Variants in SPAG16 observed in about 807,000 individuals in gnomAD.
SPAG16 encodes the protein sperm-associated antigen 16 protein.
Under a neutral mutation model 80.4 loss-of-function variants are expected in SPAG16, and 86 were observed. The observed-to-expected ratio is 1.07, with a 90% confidence interval of 0.90 to 1.28. SPAG16 has a LOEUF of 1.28. Ranked by LOEUF, SPAG16 falls within the 50% of genes most tolerant of loss-of-function variation. The pLI is 0.00. For missense variants in SPAG16, 870 were observed against 765.3 expected (o/e 1.14, Z -1.61); for synonymous variants, 294 against 265.9 (o/e 1.11, Z -1.03).
At chr2:213,505,866 A>G (rs1221016637) in intron 10 of SPAG16, among the ~76,000 whole-genome samples, 1 of 152,044 alleles carries the variant, frequency 6.6e-6, no homozygotes, top group Non-Finnish European at 1.5e-5. Context: ...CCTTGTGACT[A>G]TCCTTCTGTG....
intron 15 of SPAG16, among the ~76,000 whole-genome samples, chr2:214,223,188 A>G (rs941546780): frequency 5.3e-5 from 8 of 152,112 alleles, no homozygotes; most frequent in Non-Finnish European, 1.2e-4. Flanking sequence ...GAGGTAATCT[A>G]TGTTAAGTCT....
At chr2:214,361,554 A>G (rs1004147803) in intron 15 of SPAG16, among the ~76,000 whole-genome samples, 2 of 151,850 alleles carry the variant, frequency 1.3e-5, no homozygotes, top group Non-Finnish European at 2.9e-5. Context: ...AAACTCAAAC[A>G]CTTCATCCAG....
At chr2:213,904,455 G>A (rs950060813) in intron 11 of SPAG16, among the ~76,000 whole-genome samples, 2 of 152,086 alleles carry the variant, frequency 1.3e-5, no homozygotes, top group Non-Finnish European at 2.9e-5. Flanking sequence ...CATTAGAATA[G>A]TATGGGGGAA....
intron 10 of SPAG16, among the ~76,000 whole-genome samples, chr2:213,685,226 A>G (rs1559374966): frequency 6.6e-6 from 1 of 152,242 alleles, no homozygotes; most frequent in Non-Finnish European, 1.5e-5. Context: ...TTTATTTGGA[A>G]ACAAGGACTT....
chr2:213,584,697 T>C (rs1367001477), intron 10 of SPAG16, among the ~76,000 whole-genome samples: 1 of 152,122 alleles, frequency 6.6e-6, no homozygotes, highest in East Asian at 1.9e-4. Flanking sequence ...GACAGAGTTA[T>C]AGGGCAGGCT....
chr2:213,761,710 CA>C (rs1255766185), intron 10 of SPAG16, among the ~76,000 whole-genome samples: 1 of 151,396 alleles, frequency 6.6e-6, no homozygotes, highest in Non-Finnish European at 1.5e-5. Flanking sequence ...ACTACAAAAA[CA>C]AAAAATTAGC....
At chr2:213,408,933 G>T (rs2068810242) in intron 9 of SPAG16, among the ~76,000 whole-genome samples, 1 of 152,136 alleles carries the variant, frequency 6.6e-6, no homozygotes, top group Non-Finnish European at 1.5e-5. Flanking sequence ...AAAGTTAGCA[G>T]TGTAACACGT....
chr2:214,354,802 T>G (rs1476318615), intron 15 of SPAG16, among the ~76,000 whole-genome samples: 5 of 152,144 alleles, frequency 3.3e-5, no homozygotes, highest in African/African-American at 1.2e-4. Flanking sequence ...TCTCTGTTTG[T>G]CTGTTATTGG....
chr2:213,945,350 G>A (rs2106303444), intron 12 of SPAG16, among the ~76,000 whole-genome samples: 1 of 149,156 alleles, frequency 6.7e-6, no homozygotes, highest in South Asian at 2.1e-4. Context: ...ATATATATGT[G>A]GGAATTTATT....
intron 15 of SPAG16, among the ~76,000 whole-genome samples, chr2:214,236,032 T>C (rs1488352857): frequency 6.6e-6 from 1 of 152,164 alleles, no homozygotes; most frequent in Non-Finnish European, 1.5e-5. Flanking sequence ...TCTTACCTCC[T>C]ATGAAAGAAA....
intron 13 of SPAG16, among the ~76,000 whole-genome samples, chr2:214,020,792 C>G (rs540522357): frequency 6.6e-6 from 1 of 152,266 alleles, no homozygotes; most frequent in East Asian, 1.9e-4. Context: ...GTTTTGCAAA[C>G]TAATCAGAAG....
intron 15 of SPAG16, among the ~76,000 whole-genome samples, chr2:214,352,165 T>G (rs1698457666): frequency 6.6e-6 from 1 of 152,198 alleles, no homozygotes; most frequent in Admixed American, 6.5e-5. Context: ...TCCCACCTCT[T>G]AATACCATCA....
At chr2:213,601,094 C>T (rs2061044726) in intron 10 of SPAG16, among the ~76,000 whole-genome samples, 1 of 152,042 alleles carries the variant, frequency 6.6e-6, no homozygotes, top group Non-Finnish European at 1.5e-5. Flanking sequence ...ATAAAATGGC[C>T]TGGGACAAAG....
intron 11 of SPAG16, among the ~76,000 whole-genome samples, chr2:213,881,066 G>A (rs2076325844): frequency 1.3e-5 from 2 of 152,120 alleles, no homozygotes; most frequent in Non-Finnish European, 2.9e-5. Context: ...GGGCAGTATG[G>A]TCATTTTAAT....
chr2:213,625,755 C>T (rs898534523), intron 10 of SPAG16, among the ~76,000 whole-genome samples: 1 of 152,224 alleles, frequency 6.6e-6, no homozygotes, highest in Admixed American at 6.5e-5. Context: ...ACAATCTGGG[C>T]TCACTGCAAC....
intron 10 of SPAG16, among the ~76,000 whole-genome samples, chr2:213,796,759 TAA>T (rs1414400314): frequency 6.6e-6 from 1 of 152,102 alleles, no homozygotes; most frequent in Admixed American, 6.6e-5. Flanking sequence ...TGATAATAAA[TAA>T]AGTTACTGGT....
chr2:214,340,168 G>A (rs1056092150), intron 15 of SPAG16, among the ~76,000 whole-genome samples: 8 of 152,180 alleles, frequency 5.3e-5, no homozygotes, highest in African/African-American at 1.9e-4. Context: ...TCTCATGGGT[G>A]TCTTCCATCC....
At chr2:213,386,842 T>C (rs1174579307) in intron 9 of SPAG16, among the ~76,000 whole-genome samples, 2 of 152,166 alleles carry the variant, frequency 1.3e-5, no homozygotes, top group African/African-American at 4.8e-5. Context: ...TTTGTAAAGA[T>C]AACTAAATAT....
intron 11 of SPAG16, among the ~76,000 whole-genome samples, chr2:213,891,216 T>C (rs2076774922): frequency 6.6e-6 from 1 of 152,108 alleles, no homozygotes; most frequent in Admixed American, 6.6e-5. Context: ...TTACAATTCT[T>C]AAGTCAATTG....
Sources: gnomAD v4.1 joint callset for allele counts (sites outside exome capture counted in the v4.1 genomes callset) on GRCh38, gnomAD v4.1.1 for gene constraint, MANE v1.5 for transcripts, NCBI Gene and HGNC (gene_info 2026-07-23, HGNC 2026-07-21) for gene names.